The following BMP2 variants were observed in gnomAD, a reference collection of about 807,000 sequenced individuals.
The protein encoded by BMP2 is bone morphogenetic protein 2A.
In BMP2, 2 loss-of-function variants were observed where a neutral mutation model predicts 28.8. The observed-to-expected ratio is 0.07, with a 90% confidence interval of 0.03 to 0.22. The LOEUF (loss-of-function observed/expected upper bound fraction) is 0.22, where lower values mean the gene tolerates loss of function less well. BMP2 is among the 10% of genes least tolerant of loss of function. BMP2 has a pLI of 1.00. For synonymous variants in BMP2, 218 were observed against 204.3 expected, an observed-to-expected ratio of 1.07 and a Z score of -0.57; for missense variants, 437 against 517.7, an observed-to-expected ratio of 0.84 and a Z score of 1.51.
chr20:6,775,713 C>G (rs995334322), intron 2 of BMP2, among the ~76,000 whole-genome samples: 4 of 151,762 alleles, frequency 2.6e-5, no homozygotes, highest in African/African-American at 9.7e-5. Context: ...TTTTTTATAC[C>G]CATCTTCTTT....
At chr20:6,769,069 G>T (rs1383955818) in intron 1 of BMP2, among the ~76,000 whole-genome samples, 194 bp downstream of exon 1, 1 of 152,174 alleles carries the variant, frequency 6.6e-6, no homozygotes, top group Non-Finnish European at 1.5e-5. Context: ...CTCCCGGCCC[G>T]CACTCTTCCA....
intron 2 of BMP2, among the ~76,000 whole-genome samples, chr20:6,771,939 G>A (rs1323580764): frequency 1.3e-5 from 2 of 152,144 alleles, no homozygotes; most frequent in Non-Finnish European, 2.9e-5. Context: ...TCATTCCCAG[G>A]TAATGCTGAT....
In BMP2 at chr20:6,778,449, C is replaced by G. The variant is rs549080568; in HGVS notation, c.551C>G (p.Ser184Trp). 2.5e-6 allele frequency: 4 copies of G among 1,614,164 alleles called. No homozygotes were observed. The highest frequency in any genetic ancestry group is 3.3e-5 in the Admixed American group (2 of 60,026). Residue 184 changes from serine (S) to tryptophan (W), a missense_variant, in exon 3 of 3, where the codon TCG becomes TGG. Physicochemically the swap from Ser to Trp is radical, Grantham distance 177 (BLOSUM62 -3). Around this residue, in one of 2 missense-constraint regions of BMP2, gnomAD observed 363 missense variants for 392.8 expected, o/e 0.92. Coordinates refer to ENST00000378827, the MANE Select transcript of BMP2 (RefSeq NM_001200.4). The surrounding 1 kb of genome is among the most constrained non-coding windows in gnomAD (Gnocchi z 5.0). Reference sequence around the variant, plus strand: ...ATCATAAAACCTGCAACAGCCAACTCGAAATTCCCCGTGACCAGACTTTTG... The same window carrying G: ...ATCATAAAACCTGCAACAGCCAACTGGAAATTCCCCGTGACCAGACTTTTG... ...YEIIKPATAN[S>W]KFPVTRLLDT...
At chr20:6,774,484 C>T (rs1046376755) in intron 2 of BMP2, among the ~76,000 whole-genome samples, 5 of 152,252 alleles carry the variant, frequency 3.3e-5, no homozygotes, top group Admixed American at 6.5e-5. Flanking sequence ...CAAGATTGTG[C>T]CACTGCACTC....
chr20:6,769,074 C>T (rs1331006226), intron 1 of BMP2, among the ~76,000 whole-genome samples, 199 bp downstream of exon 1: 1 of 152,260 alleles, frequency 6.6e-6, no homozygotes. Context: ...GGCCCGCACT[C>T]TTCCACCCCT....
chr20:6,769,900 G>T (rs1258334189), intron 1 of BMP2, among the ~76,000 whole-genome samples: 3 of 152,140 alleles, frequency 2.0e-5, no homozygotes, highest in African/African-American at 7.2e-5. Flanking sequence ...CGAGCTAAGC[G>T]TTGGATGGGA....
In BMP2 at chr20:6,778,999, T is replaced by G; in HGVS notation, c.1101T>G (p.Ser367Arg). ...PKACCVPTEL[S>R]AISMLYLDEN... is the part of the protein sequence containing the mutation. Reference sequence around the variant, plus strand: ...CATGCTGTGTCCCGACAGAACTCAGTGCTATCTCGATGCTGTACCTTGACG... The same window carrying G: ...CATGCTGTGTCCCGACAGAACTCAGGGCTATCTCGATGCTGTACCTTGACG... The change falls in exon 3 of 3, where the codon AGT (serine) becomes AGG (arginine). Residue 367 changes from serine (S) to arginine (R), a missense_variant. By Grantham distance (110) the Ser-to-Arg change is moderately radical (BLOSUM62 -1). Transcript: ENST00000378827. The surrounding 1 kb of genome is among the most constrained non-coding windows in gnomAD (Gnocchi z 5.0). The G allele has an allele frequency of 6.2e-7, 1 of 1,613,908 alleles. No individual in the cohort carries two copies. The highest frequency in any genetic ancestry group is 1.1e-5 in the South Asian group (1 of 91,072).
intron 2 of BMP2, among the ~76,000 whole-genome samples, chr20:6,773,582 G>A (rs1231952773): frequency 6.6e-6 from 1 of 152,224 alleles, no homozygotes; most frequent in African/African-American, 2.4e-5. Context: ...GACAATAAGA[G>A]AATATTTCAT....
At position 6,778,714 on chromosome 20, in the gene BMP2, A is replaced by C; in HGVS notation, c.816A>C (p.Lys272Asn). 1 of 1,614,196 alleles carries C rather than the reference A, an allele frequency of 6.2e-7. No individual in the cohort carries two copies. Among genetic ancestry groups the C allele is most frequent in the African/African-American group, 1.3e-5 (1 of 75,060 alleles). ...TAGTAACTTTTGGCCATGATGGAAA[A>C]GGGCATCCTCTCCACAAAAGAGAAA... Reference protein sequence around the residue: ...PLLVTFGHDGKGHPLHKREKR... With the variant: ...PLLVTFGHDGNGHPLHKREKR... The change falls in exon 3 of 3, where the codon AAA (lysine) becomes AAC (asparagine). Residue 272 changes from lysine (K) to asparagine (N), a missense_variant. Around this residue, in one of 2 missense-constraint regions of BMP2, gnomAD observed 363 missense variants for 392.8 expected, o/e 0.92. Transcript: ENST00000378827. The surrounding 1 kb of genome is among the most constrained non-coding windows in gnomAD (Gnocchi z 5.0).
Position 6,778,507 on chromosome 20 carries a change from G to A in BMP2, c.609G>A (p.Arg203=), listed in dbSNP as rs776166057. The A allele has an allele frequency of 1.2e-6, 2 of 1,614,180 alleles. No homozygotes were observed. The highest frequency in any genetic ancestry group is 4.5e-5 in the East Asian group (2 of 44,866). ...GGTTGGTGAATCAGAATGCAAGCAG[G>A]TGGGAAAGTTTTGATGTCACCCCCG... ...DTRLVNQNAS[R]WESFDVTPAV... Residue 203 remains arginine (R), a synonymous_variant, in exon 3 of 3, where the codon AGG becomes AGA. Transcript: ENST00000378827. This position sits in a 1 kb window ranked among gnomAD's most constrained non-coding sequence, Gnocchi z 5.0.
rs1054726257 is a variant in BMP2, at chr20:6,780,083, TCTAA to T, written c.*997_*1000del. 1.3e-5 allele frequency: 2 copies of T among 152,672 alleles called. No homozygotes were observed. The highest frequency in any genetic ancestry group is 4.8e-5 in the African/African-American group (2 of 41,458). 9.5% of individuals were successfully genotyped at this position (152,672 alleles called of 1,614,324 possible). ...CTTTATTCTCCAAAGAACCCAGTTT[TCTAA>T]CTTTTTGCCCAACACGCAGCAAAAT... On this transcript the variant is annotated 3_prime_UTR_variant, in exon 3 of 3. Coordinates refer to ENST00000378827, the MANE Select transcript of BMP2 (RefSeq NM_001200.4).
chr20:6,768,963 A>C, intron 1 of BMP2, 88 bp downstream of exon 1: 1 of 397,868 alleles, frequency 2.5e-6, no homozygotes, highest in Non-Finnish European at 4.4e-6. Flanking sequence ...CCTTACGTCC[A>C]GGCCAGAAGT....
intron 2 of BMP2, among the ~76,000 whole-genome samples, chr20:6,771,973 G>A (rs958469519): frequency 1.3e-5 from 2 of 151,718 alleles, no homozygotes; most frequent in African/African-American, 4.8e-5. Flanking sequence ...TTTTTGTATA[G>A]GAATGTAATA....
At position 6,778,123 on chromosome 20, in the gene BMP2, A is replaced by C. The variant is rs1161559095; in HGVS notation, c.347-122A>C. The C allele has an allele frequency of 1.4e-6, 2 of 1,389,722 alleles. No individual in the cohort carries two copies. The highest frequency in any genetic ancestry group is 1.9e-6 in the Non-Finnish European group (2 of 1,036,190). The allele number at this position is 1,389,722 out of a possible 1,614,324, so 86.1% of individuals were successfully genotyped here. A position where few individuals can be genotyped will look rare whatever the true frequency, so the allele number is the denominator to read the frequency against. ...TTATTTTCTGGTTACCTACTTTTAC[A>C]TGGGTTACATCAAATCCCACGATGA... On this transcript the variant is annotated intron_variant, in intron 2 of 2. Coordinates refer to ENST00000378827, the MANE Select transcript of BMP2 (RefSeq NM_001200.4). The surrounding 1 kb of genome is among the most constrained non-coding windows in gnomAD (Gnocchi z 5.0).
In BMP2 at chr20:6,770,364, C is replaced by T; in HGVS notation, c.238C>T (p.Leu80=). Residue 80 remains leucine (L), a synonymous_variant, in exon 2 of 3, where the codon CTA becomes TTA. Coordinates refer to ENST00000378827, the MANE Select transcript of BMP2 (RefSeq NM_001200.4). Reference sequence around the variant, plus strand: ...GGACGCCGTGGTGCCCCCCTACATGCTAGACCTGTATCGCAGGCACTCAGG... The same window carrying T: ...GGACGCCGTGGTGCCCCCCTACATGTTAGACCTGTATCGCAGGCACTCAGG... The part of the protein sequence containing the change: ...SRDAVVPPYM[L]DLYRRHSGQP... 1 of 1,613,434 alleles carries T rather than the reference C, an allele frequency of 6.2e-7. No homozygotes were observed. The highest frequency in any genetic ancestry group is 8.5e-7 in the Non-Finnish European group (1 of 1,179,982).
At position 6,767,899 on chromosome 20, in the gene BMP2, C is replaced by T. The variant is rs1600168822; in HGVS notation, c.-984C>T. 2.7e-6 allele frequency: 1 copy of T among 374,248 alleles called. No individual in the cohort carries two copies. Among genetic ancestry groups the T allele is most frequent in the Non-Finnish European group, 4.7e-6 (1 of 210,724 alleles). The allele number at this position is 374,248 out of a possible 1,614,324, so 23.2% of individuals were successfully genotyped here. The stretch of plus-strand genomic sequence containing the variant: ...GCGAGGCACCCGCGCGCCGCAGACC[C>T]CGCGCGGGCTGGAGCACCCGGCAGA... On this transcript the variant is annotated 5_prime_UTR_variant, in exon 1 of 3. Coordinates refer to ENST00000378827, the MANE Select transcript of BMP2 (RefSeq NM_001200.4).
chr20:6,769,631 G>GTGTGTGTGTT (rs779868372), intron 1 of BMP2, among the ~76,000 whole-genome samples: 5 of 150,064 alleles, frequency 3.3e-5, no homozygotes, highest in Admixed American at 6.7e-5. Flanking sequence ...GTGTGTGTGT[G>GTGTGTGTGTT]TGTGTGTGTG....
rs1986584096 is a variant in BMP2, at chr20:6,779,651, T to G, written c.*562T>G. On this transcript the variant is annotated 3_prime_UTR_variant, in exon 3 of 3. Transcript: ENST00000378827. ...AAAGTGGATAATCCACTCTGCTGACTTTCAAGATTATTATATTATTCAATT... is the reference window on the plus strand; with the variant it reads ...AAAGTGGATAATCCACTCTGCTGACGTTCAAGATTATTATATTATTCAATT... 6.6e-6 allele frequency: 1 copy of G among 152,626 alleles called. No individual in the cohort carries two copies. Among genetic ancestry groups the G allele is most frequent in the African/African-American group, 2.4e-5 (1 of 41,446 alleles). The allele number at this position is 152,626 out of a possible 1,614,324, so 9.5% of individuals were successfully genotyped here.
chr20:6,774,777 T>C (rs1256040860), intron 2 of BMP2, among the ~76,000 whole-genome samples: 1 of 152,230 alleles, frequency 6.6e-6, no homozygotes, highest in African/African-American at 2.4e-5. Context: ...GCTGTCATTA[T>C]CATTATGACT....
Sources: allele counts gnomAD v4.1 joint callset (sites outside exome capture counted in the v4.1 genomes callset), GRCh38; gene constraint gnomAD v4.1.1; regional missense constraint gnomAD v4.1.1; non-coding constraint Gnocchi (gnomAD v3.1); transcripts MANE v1.5; gene names NCBI Gene and HGNC (gene_info 2026-07-23, HGNC 2026-07-21).